Variants in AP3M1 observed in about 807,000 individuals in gnomAD.
The protein encoded by AP3M1 is AP-3 complex subunit mu-1.
In AP3M1, 29 loss-of-function variants were observed where a neutral mutation model predicts 42.6. The observed-to-expected ratio is 0.68, with a 90% CI of 0.51 to 0.93. The LOEUF (loss-of-function observed/expected upper bound fraction) is 0.93. AP3M1 is among the 40% of genes least tolerant of loss of function. The probability of loss-of-function intolerance (pLI) is 0.00; values close to 1 mark genes in which losing one functional copy is unlikely to be tolerated. For missense variants in AP3M1, 416 were observed against 510.2 expected (o/e 0.82, Z 1.78); for synonymous variants, 178 against 175.3 (o/e 1.02, Z -0.12).
intron 6 of AP3M1, chr10:74,128,834 G>A: frequency 3.2e-6 from 1 of 315,210 alleles, no homozygotes; most frequent in South Asian, 4.4e-5. Context: ...CAAAGGACCG[G>A]TACCACAATT....
intron 4 of AP3M1, 131 bp from the exon 5 acceptor site, chr10:74,130,123 T>G (rs958633038): frequency 2.9e-6 from 2 of 678,440 alleles, no homozygotes; most frequent in Non-Finnish European, 5.0e-6. Context: ...AAGGTTGGAG[T>G]GCAGTTGTAT....
chr10:74,122,617 C>T lies in AP3M1; in HGVS notation c.*1193G>A, dbSNP rs954512988. ...ATGTTACCGAGGATTTTGTTTCTGC[C>T]TCATTATAACTCACTTCCATGTATT... is the stretch of plus-strand genomic sequence containing the variant. On this transcript the variant is annotated 3_prime_UTR_variant, in exon 9 of 9. Coordinates refer to ENST00000355264, the MANE Select transcript of AP3M1 (RefSeq NM_012095.6). 6.6e-6 allele frequency: 1 copy of T among 152,082 alleles called. No homozygotes were observed. The highest frequency in any genetic ancestry group is 6.6e-5 in the Admixed American group (1 of 15,260). 9.4% of individuals were successfully genotyped at this position (152,082 alleles called of 1,614,324 possible).
chr10:74,147,356 C>T (rs939564927), intron 1 of AP3M1, among the ~76,000 whole-genome samples: 1 of 152,128 alleles, frequency 6.6e-6, no homozygotes, highest in African/African-American at 2.4e-5. Context: ...TTCCTTAATG[C>T]CTGCTAAGGA....
At chr10:74,149,405 T>C (rs1267647144) in intron 1 of AP3M1, among the ~76,000 whole-genome samples, 1 of 145,080 alleles carries the variant, frequency 6.9e-6, no homozygotes, top group Non-Finnish European at 1.5e-5. Flanking sequence ...TTCTCCTGCC[T>C]CAGCCTACCA....
At chr10:74,127,420 G>A (rs770743589) in intron 6 of AP3M1, among the ~76,000 whole-genome samples, 2 of 151,960 alleles carry the variant, frequency 1.3e-5, no homozygotes, top group Non-Finnish European at 2.9e-5. Flanking sequence ...AAGGCAGGCA[G>A]ATCACTGGAG....
rs1306663952 is a variant in AP3M1, at chr10:74,120,474, G to C, written c.*3336C>G. The C allele has an allele frequency of 6.6e-6, 1 of 152,210 alleles. No individual in the cohort carries two copies. Among genetic ancestry groups the C allele is most frequent in the African/African-American group, 2.4e-5 (1 of 41,444 alleles). 9.4% of individuals were successfully genotyped at this position (152,210 alleles called of 1,614,324 possible). A position where few individuals can be genotyped will look rare whatever the true frequency, so the allele number is the denominator to read the frequency against. On this transcript the variant is annotated 3_prime_UTR_variant, in exon 9 of 9. Transcript: ENST00000355264. The stretch of plus-strand genomic sequence containing the variant: ...CTAGCTATCTGTGGAGACCACCACT[G>C]TTCCCCGAAAAGCTAAAGTTGTTAA...
At chr10:74,128,244 AT>A (rs113305142) in intron 6 of AP3M1, among the ~76,000 whole-genome samples, 154 of 145,336 alleles carry the variant, frequency 1.1e-3, no homozygotes, top group African/African-American at 9.8e-4. Context: ...CCAATGCTAA[AT>A]TTTTTTTTTT....
At chr10:74,128,442 T>A (rs569230755) in intron 6 of AP3M1, among the ~76,000 whole-genome samples, 27 of 152,138 alleles carry the variant, frequency 1.8e-4, no homozygotes, top group African/African-American at 6.5e-4. Flanking sequence ...TTTCACCATG[T>A]TGACCAGACT....
chr10:74,126,184 G>T lies in AP3M1; in HGVS notation c.975C>A (p.Pro325=). ...GATCAAATGTATAGCTGCCTTGTGT[G>T]GGTGTCAGGTTCATGTTCAGCACAA... ...PKVVLNMNLT[P]TQGSYTFDPV... Residue 325 remains proline, a synonymous_variant, in exon 7 of 9, where the codon CCC becomes CCA. Transcript: ENST00000355264. The T allele has an allele frequency of 6.2e-7, 1 of 1,614,152 alleles. No individual in the cohort carries two copies. Among genetic ancestry groups the T allele is most frequent in the Non-Finnish European group, 8.5e-7 (1 of 1,180,030 alleles).
chr10:74,138,427 C>A, intron 1 of AP3M1, 45 bp from the exon 2 acceptor site: 1 of 1,517,072 alleles, frequency 6.6e-7, no homozygotes, highest in Non-Finnish European at 9.0e-7. Context: ...CATTAAATAT[C>A]ATTTAACATA....
rs193025854 is a variant in AP3M1 at position 74,139,958 on chromosome 10, G to A, written c.-3-1576C>T. On this transcript the variant is annotated intron_variant, in intron 1 of 8. Transcript: ENST00000355264. Reference sequence around the variant, plus strand: ...TCCCAGCTGCCTTTTCGTGGAATTTGACAGGCTAATCCTAAATTCATAAGG... The same window carrying A: ...TCCCAGCTGCCTTTTCGTGGAATTTAACAGGCTAATCCTAAATTCATAAGG... Among the ~76,000 whole-genome samples the A allele has an allele frequency of 2.3e-3, 345 of 150,330 alleles. 2 individuals carry two copies. Among genetic ancestry groups the A allele is most frequent in the African/African-American group, 7.7e-3 (315 of 41,038 alleles).
intron 4 of AP3M1, among the ~76,000 whole-genome samples, chr10:74,132,129 C>G (rs1840796133): frequency 6.6e-6 from 1 of 151,890 alleles, no homozygotes; most frequent in South Asian, 2.1e-4. Flanking sequence ...CCTCTGCCTC[C>G]CAGGGTCAAG....
At chr10:74,144,099 C>A (rs1234404276) in intron 1 of AP3M1, among the ~76,000 whole-genome samples, 1 of 151,802 alleles carries the variant, frequency 6.6e-6, no homozygotes, top group Non-Finnish European at 1.5e-5. Flanking sequence ...GTAGCTGGGA[C>A]TACAGGAGCC....
At chr10:74,148,444 A>G (rs1451105257) in intron 1 of AP3M1, among the ~76,000 whole-genome samples, 1 of 152,162 alleles carries the variant, frequency 6.6e-6, no homozygotes, top group Non-Finnish European at 1.5e-5. Flanking sequence ...AGGGAGAGAG[A>G]AGTCCTCTTC....
At chr10:74,139,643 C>G (rs1459362433) in intron 1 of AP3M1, among the ~76,000 whole-genome samples, 1 of 150,694 alleles carries the variant, frequency 6.6e-6, no homozygotes, top group Non-Finnish European at 1.5e-5. Flanking sequence ...AAAGGCCAGG[C>G]GCGGTGGCTC....
chr10:74,126,852 T>A (rs1221464975), intron 6 of AP3M1, among the ~76,000 whole-genome samples: 1 of 151,302 alleles, frequency 6.6e-6, no homozygotes, highest in African/African-American at 2.4e-5. Context: ...ATGCCTGTAG[T>A]CCCAGCTATT....
intron 3 of AP3M1, among the ~76,000 whole-genome samples, chr10:74,134,620 C>T (rs1840888081): frequency 6.6e-6 from 1 of 152,282 alleles, no homozygotes; most frequent in Admixed American, 6.5e-5. Flanking sequence ...GGAATCTGGC[C>T]TTTTCCTATT....
At chr10:74,142,186 A>C (rs1235527234) in intron 1 of AP3M1, among the ~76,000 whole-genome samples, 1 of 152,204 alleles carries the variant, frequency 6.6e-6, no homozygotes, top group Admixed American at 6.5e-5. Flanking sequence ...ATGTCTAATT[A>C]TCTTACCTTG....
At chr10:74,124,572 C>CA (rs752184440) in intron 7 of AP3M1, 48 bp from the exon 8 acceptor site, 12 of 1,483,406 alleles carry the variant, frequency 8.1e-6, no homozygotes, top group Non-Finnish European at 1.1e-5. Flanking sequence ...TTATTAAAGA[C>CA]AAACCCTCAA....
Sources: gnomAD v4.1 joint callset for allele counts (sites outside exome capture counted in the v4.1 genomes callset) on GRCh38, gnomAD v4.1.1 for gene constraint, MANE v1.5 for transcripts, NCBI Gene and HGNC (gene_info 2026-07-23, HGNC 2026-07-21) for gene names.